OPA1: variants seen among roughly 807,000 people sequenced by gnomAD.
OPA1 encodes OPA1 mitochondrial dynamin like GTPase.
A neutral mutation model predicts 152.9 loss-of-function variants in OPA1; 59 were observed. The observed-to-expected ratio is 0.39, with a 90% CI of 0.31 to 0.48. The LOEUF is 0.48. OPA1 is among the 20% of genes least tolerant of loss of function. The pLI, the probability that OPA1 is intolerant of heterozygous loss-of-function variation, is 0.96. For missense variants in OPA1, 1,008 were observed against 1,216.8 expected, an observed-to-expected ratio of 0.83 and a Z score of 2.55; for synonymous variants, 400 against 389.9, an observed-to-expected ratio of 1.03 and a Z score of -0.31.
At chr3:193,681,081 A>G (rs1720054000) in intron 29 of OPA1, among the ~76,000 whole-genome samples, 1 of 152,192 alleles carries the variant, frequency 6.6e-6, no homozygotes, top group African/African-American at 2.4e-5. Flanking sequence ...TGTTGCTGAA[A>G]ATAAGTATTG....
At position 193,620,193 on chromosome 3, in the gene OPA1, C is replaced by G. The variant is rs139478472; in HGVS notation, c.678+1257C>G. Among the ~76,000 whole-genome samples the G allele has an allele frequency of 5.7e-3, 870 of 152,224 alleles. 11 individuals are homozygous for G. The highest frequency in any genetic ancestry group is 0.02 in the African/African-American group (814 of 41,548). On this transcript the variant is annotated intron_variant, in intron 6 of 30. Coordinates refer to ENST00000361510, the MANE Select transcript of OPA1 (RefSeq NM_130837.3). ...AGCTAATCTAATGGGGAGAAGGAGC[C>G]TTTGTTACAGGTGTGGTAGTGTGGT...
chr3:193,668,230 A>G (rs750919472), intron 29 of OPA1: 15 of 924,736 alleles, frequency 1.6e-5, no homozygotes, highest in Non-Finnish European at 2.4e-5. Context: ...ACGGGCTTCT[A>G]GTATCCTTAA....
intron 15 of OPA1, 39 bp from the exon 16 acceptor site, chr3:193,643,936 T>A: frequency 6.2e-7 from 1 of 1,608,074 alleles, no homozygotes. Context: ...CTACTTTACA[T>A]CTTAAAATTC....
At chr3:193,610,792 G>A (rs1293759363) in intron 1 of OPA1, among the ~76,000 whole-genome samples, 1 of 152,228 alleles carries the variant, frequency 6.6e-6, no homozygotes, top group Non-Finnish European at 1.5e-5. Flanking sequence ...AGACTGCTGT[G>A]CTAGCAATGA....
chr3:193,662,982 A>T lies in OPA1; in HGVS notation c.2661+20A>T. The T allele has an allele frequency of 6.2e-7, 1 of 1,612,234 alleles. No homozygotes were observed. The highest frequency in any genetic ancestry group is 8.5e-7 in the Non-Finnish European group (1 of 1,178,398). ...AGCTTGGTAATAAATACTGCTGAGA[A>T]GCAGGAATCTGCTTCCTTAATATTT... is the stretch of plus-strand genomic sequence containing the variant. On this transcript the variant is annotated intron_variant, in intron 26 of 30. Coordinates refer to ENST00000361510, the MANE Select transcript of OPA1 (RefSeq NM_130837.3).
At position 193,626,088 on chromosome 3, in the gene OPA1, G is replaced by T. The variant is rs757018661; in HGVS notation, c.679-4G>T. 6.2e-7 allele frequency: 1 copy of T among 1,611,040 alleles called. No homozygotes were observed. Among genetic ancestry groups the T allele is most frequent in the Non-Finnish European group, 8.5e-7 (1 of 1,177,282 alleles). On this transcript the variant is annotated splice_region_variant and splice_polypyrimidine_tract_variant and intron_variant, in intron 6 of 30. Coordinates refer to ENST00000361510, the MANE Select transcript of OPA1 (RefSeq NM_130837.3). ...CTCTTCTCCTCATTGTGAACTCGTG[G>T]CAGGGTCTGCTTGGTGAGCTCATTC... is the stretch of plus-strand genomic sequence containing the variant.
At chr3:193,679,504 G>A (rs1295037866) in intron 29 of OPA1, among the ~76,000 whole-genome samples, 2 of 152,132 alleles carry the variant, frequency 1.3e-5, no homozygotes, top group African/African-American at 4.8e-5. Context: ...TGTTCAGATA[G>A]AGAAATTAAC....
At chr3:193,597,327 C>T (rs1725757645) in intron 1 of OPA1, among the ~76,000 whole-genome samples, 3 of 152,064 alleles carry the variant, frequency 2.0e-5, no homozygotes, top group Admixed American at 2.0e-4. Flanking sequence ...CAGATAAAAC[C>T]AGAATTGAGC....
At chr3:193,637,908 G>C in intron 10 of OPA1, 44 bp from the exon 11 acceptor site, 1 of 1,451,684 alleles carries the variant, frequency 6.9e-7, no homozygotes, top group Non-Finnish European at 9.7e-7. Flanking sequence ...ATTTTAATTT[G>C]GTATCAGAAA....
intron 1 of OPA1, among the ~76,000 whole-genome samples, chr3:193,604,745 A>G (rs1726968445): frequency 6.6e-6 from 1 of 151,534 alleles, no homozygotes; most frequent in Non-Finnish European, 1.5e-5. Flanking sequence ...CTGTAATCCC[A>G]GCTACTCGGG....
At chr3:193,678,009 G>C (rs1719467597) in intron 29 of OPA1, among the ~76,000 whole-genome samples, 1 of 152,112 alleles carries the variant, frequency 6.6e-6, no homozygotes. Flanking sequence ...AATCTTTGTT[G>C]AACTCACAGT....
At position 193,644,036 on chromosome 3, in the gene OPA1, T is replaced by C. The variant is rs1252479056; in HGVS notation, c.1539T>C (p.His513=). Residue 513 remains histidine, a synonymous_variant, in exon 16 of 31, where the codon CAT becomes CAC. Transcript: ENST00000361510. ...ACTTGGTCAGTCAAATGGACCCTCA[T>C]GGAAGGAGAACCATATTCGTTTTGA... ...VTDLVSQMDP[H]GRRTIFVLTK... is the part of the protein sequence containing the mutation. The C allele has an allele frequency of 6.2e-7, 1 of 1,613,750 alleles. No homozygotes were observed. Among genetic ancestry groups the C allele is most frequent in the East Asian group, 2.2e-5 (1 of 44,866 alleles).
At position 193,638,174 on chromosome 3, in the gene OPA1, A is replaced by G. The variant is rs553178798; in HGVS notation, c.1149+109A>G. On this transcript the variant is annotated intron_variant, in intron 11 of 30. Transcript: ENST00000361510. ...TTTTAACCAAAGAAAGACTTGATAC[A>G]TAGTGTTTGGAATGATCCCTAGTGT... is the stretch of plus-strand genomic sequence containing the variant. 1.2e-4 allele frequency: 94 copies of G among 815,900 alleles called. No homozygotes were observed. In the African/African-American group the frequency reaches 1.5e-3, roughly 13 times the overall value. The allele number at this position is 815,900 out of a possible 1,614,324, so 50.5% of individuals were successfully genotyped here. A position where few individuals can be genotyped will look rare whatever the true frequency, so the allele number is the denominator to read the frequency against.
chr3:193,594,372 G>A (rs908402573), intron 1 of OPA1, among the ~76,000 whole-genome samples: 7 of 152,134 alleles, frequency 4.6e-5, no homozygotes, highest in African/African-American at 1.7e-4. Flanking sequence ...ATAAGGAATG[G>A]AATGCATTCG....
chr3:193,678,504 C>T (rs1719554550), intron 29 of OPA1, among the ~76,000 whole-genome samples: 1 of 152,180 alleles, frequency 6.6e-6, no homozygotes, highest in Non-Finnish European at 1.5e-5. Flanking sequence ...GAAGAGGTCT[C>T]AGGTTGGCTT....
chr3:193,618,919 G>A lies in OPA1; in HGVS notation c.661G>A (p.Asp221Asn), dbSNP rs367814426. Residue 221 changes from aspartate to asparagine, a missense_variant, in exon 6 of 31, where the codon GAC (aspartate) becomes AAC (asparagine). This residue lies in a region of OPA1 where 408 missense variants were observed against 395.1 expected (regional missense o/e 1.03). Coordinates refer to ENST00000361510, the MANE Select transcript of OPA1 (RefSeq NM_130837.3). ...AGCAACAGATCGTGGATCTGAAAGT[G>A]ACAAGCATTTTAGAAAGGTAAGTGT... is the stretch of plus-strand genomic sequence containing the variant. ...FRATDRGSES[D>N]KHFRKGLLGE... 4 of 1,613,594 alleles carry A rather than the reference G, an allele frequency of 2.5e-6. No individual in the cohort carries two copies. The African/African-American group carries it at 5.3e-5, about 22-fold the overall frequency.
chr3:193,685,674 G>T (rs1406241529), intron 29 of OPA1, among the ~76,000 whole-genome samples: 1 of 152,000 alleles, frequency 6.6e-6, no homozygotes, highest in Non-Finnish European at 1.5e-5. Flanking sequence ...TTTCCAAAAT[G>T]AATTATGAAG....
chr3:193,628,899 C>G (rs983521139), intron 7 of OPA1, among the ~76,000 whole-genome samples: 2 of 152,120 alleles, frequency 1.3e-5, no homozygotes, highest in Non-Finnish European at 2.9e-5. Flanking sequence ...TTTTACTTTA[C>G]CACCAGCTGT....
At chr3:193,667,007 G>A (rs920121343) in intron 28 of OPA1, among the ~76,000 whole-genome samples, 163 bp from the exon 29 acceptor site, 5 of 152,034 alleles carry the variant, frequency 3.3e-5, no homozygotes, top group Non-Finnish European at 7.4e-5. Flanking sequence ...GTTTCATGCT[G>A]ATAAAACTAC....
Sources: gnomAD v4.1 joint callset for allele counts (sites outside exome capture counted in the v4.1 genomes callset) on GRCh38, gnomAD v4.1.1 for gene constraint, gnomAD v4.1.1 regional missense constraint, MANE v1.5 for transcripts, NCBI Gene and HGNC (gene_info 2026-07-23, HGNC 2026-07-21) for gene names.